Variants in PSMD2 observed in about 807,000 individuals in gnomAD.
PSMD2 encodes the protein 26S proteasome non-ATPase regulatory subunit 2.
A neutral mutation model predicts 101.5 loss-of-function variants in PSMD2; 8 were observed. The observed-to-expected ratio is 0.08, with a 90% CI of 0.05 to 0.14. PSMD2 has a LOEUF of 0.14. Among genes scored for constraint, PSMD2 ranks in the 10% least tolerant of loss-of-function variants. The pLI, the probability that PSMD2 is intolerant of heterozygous loss-of-function variation, is 1.00. For missense variants in PSMD2, 784 were observed against 1,147.4 expected (o/e 0.68, Z 4.58); for synonymous variants, 418 against 433.8 (o/e 0.96, Z 0.45).
chr3:184,303,255 C>A, intron 8 of PSMD2, 65 bp from the exon 9 acceptor site: 1 of 1,572,288 alleles, frequency 6.4e-7, no homozygotes, highest in South Asian at 1.2e-5. Context: ...AGTTGCCATG[C>A]TGTGTTTCTT....
Position 184,299,258 on chromosome 3 carries a change from G to T in PSMD2, c.-9G>T, listed in dbSNP as rs1181846209. 1 of 1,335,290 alleles carries T rather than the reference G, an allele frequency of 7.5e-7. No homozygotes were observed. The highest frequency in any genetic ancestry group is 1.5e-5 in the African/African-American group (1 of 65,316). The allele number at this position is 1,335,290 out of a possible 1,614,324, so 82.7% of individuals were successfully genotyped here. A position where few individuals can be genotyped will look rare whatever the true frequency, so the allele number is the denominator to read the frequency against. Reference sequence around the variant, plus strand: ...GTGCGCGCGCAGCGGGCCGGCAGTGGCGGCGGAGATGGAGGAGGGAGGCCG... The same window carrying T: ...GTGCGCGCGCAGCGGGCCGGCAGTGTCGGCGGAGATGGAGGAGGGAGGCCG... On this transcript the variant is annotated 5_prime_UTR_variant, in exon 1 of 21. Transcript: ENST00000310118.
chr3:184,305,719 A>G, intron 12 of PSMD2, 49 bp from the exon 13 acceptor site: 1 of 1,546,174 alleles, frequency 6.5e-7, no homozygotes, highest in South Asian at 1.2e-5. Context: ...ATCAAGACAT[A>G]AATATTTTAA....
rs901871951 is a variant in PSMD2, at chr3:184,299,838, C to T, written c.136-13C>T. On this transcript the variant is annotated splice_polypyrimidine_tract_variant and intron_variant, in intron 1 of 20. Transcript: ENST00000310118. ...TTCCTTCTCTTCATGAGCTGCTTCT[C>T]CCAACCCTCCAGTCTGAAGAGGATA... The T allele has an allele frequency of 1.1e-5, 18 of 1,611,046 alleles. No homozygotes were observed. The highest frequency in any genetic ancestry group is 9.3e-5 in the African/African-American group (7 of 74,886).
Position 184,301,904 on chromosome 3 carries a change from C to T in PSMD2, c.537C>T (p.Val179=), listed in dbSNP as rs763374762. Residue 179 remains valine, a synonymous_variant, in exon 5 of 21, where the codon GTC becomes GTT. Transcript: ENST00000310118. ...AGGAGCTGGATGACGCAGAGAAGGT[C>T]CAGCGGGAGCCTCTGCTCACTCTGG... is the stretch of plus-strand genomic sequence containing the variant. The part of the protein sequence containing the change: ...EWQELDDAEK[V]QREPLLTLVK... 6 of 1,614,056 alleles carry T rather than the reference C, an allele frequency of 3.7e-6. No homozygotes were observed. The African/African-American group carries it at 6.7e-5, about 18-fold the overall frequency.
intron 15 of PSMD2, 47 bp downstream of exon 15, chr3:184,306,542 A>G (rs1380700328): frequency 1.3e-6 from 2 of 1,595,008 alleles, no homozygotes; most frequent in African/African-American, 1.4e-5. Flanking sequence ...GAGAAGAGAT[A>G]AGCATATAGG....
At position 184,299,971 on chromosome 3, in the gene PSMD2, T is replaced by A. The variant is rs1374791525; in HGVS notation, c.192+64T>A. 4 of 1,472,158 alleles carry A rather than the reference T, an allele frequency of 2.7e-6. No individual in the cohort carries two copies. In the East Asian group the frequency reaches 6.8e-5, roughly 25 times the overall value. 91.2% of individuals were successfully genotyped at this position (1,472,158 alleles called of 1,614,324 possible). On this transcript the variant is annotated intron_variant, in intron 2 of 20. Coordinates refer to ENST00000310118, the MANE Select transcript of PSMD2 (RefSeq NM_002808.5). ...ATCTTTCCCACTTGTTTTATTCTTT[T>A]TTGAGGCAACTGCTATGTACGGTGG...
rs1157413437 is a variant in PSMD2 at position 184,307,937 on chromosome 3, C to T, written c.2346C>T (p.His782=). 2 of 1,614,168 alleles carry T rather than the reference C, an allele frequency of 1.2e-6. No homozygotes were observed. Among genetic ancestry groups the T allele is most frequent in the Non-Finnish European group, 1.7e-6 (2 of 1,180,032 alleles). Residue 782 remains histidine, a synonymous_variant, in exon 19 of 21, where the codon CAC becomes CAT. Transcript: ENST00000310118. ...GCACCCTTACCCTCTGCCCCTACCACAGCGACCGGCAGCTTATGAGCCAGG... is the reference window on the plus strand; with the variant it reads ...GCACCCTTACCCTCTGCCCCTACCATAGCGACCGGCAGCTTATGAGCCAGG... ...GKGTLTLCPY[H]SDRQLMSQVA...
At chr3:184,306,962 TC>T (rs1363211281) in intron 16 of PSMD2, 128 bp downstream of exon 16, 25 of 795,972 alleles carry the variant, frequency 3.1e-5, no homozygotes, top group Non-Finnish European at 4.7e-5. Flanking sequence ...CTTTCTTTTT[TC>T]TTTTCTTTTT....
At chr3:184,303,809 A>C in intron 10 of PSMD2, 60 bp downstream of exon 10, 8 of 1,602,798 alleles carry the variant, frequency 5.0e-6, no homozygotes, top group South Asian at 1.1e-5. Flanking sequence ...AGTGCCTAGC[A>C]GTGCCTCTCT....
Position 184,309,048 on chromosome 3 carries a change from C to G in PSMD2, c.*158C>G, listed in dbSNP as rs2108446221. 1.3e-6 allele frequency: 1 copy of G among 750,436 alleles called. No homozygotes were observed. The highest frequency in any genetic ancestry group is 2.6e-5 in the East Asian group (1 of 38,546). 46.5% of individuals were successfully genotyped at this position (750,436 alleles called of 1,614,324 possible). On this transcript the variant is annotated 3_prime_UTR_variant, in exon 21 of 21. Transcript: ENST00000310118. ...GTTGTTCAATAAAGACTTTTATCCC[C>G]AAGGTCTCTCTGTGTCTGTTTTCTG...
Position 184,304,186 on chromosome 3 carries a change from A to G in PSMD2, c.1451+112A>G. 20 of 1,550,424 alleles carry G rather than the reference A, an allele frequency of 1.3e-5. No homozygotes were observed. Among genetic ancestry groups the G allele is most frequent in the Non-Finnish European group, 1.7e-5 (19 of 1,122,850 alleles). On this transcript the variant is annotated intron_variant, in intron 11 of 20. Coordinates refer to ENST00000310118, the MANE Select transcript of PSMD2 (RefSeq NM_002808.5). The surrounding 1 kb of genome is among the most constrained non-coding windows in gnomAD (Gnocchi z 4.1). ...AGGGCTACCACTGTGCCTATTGGGT[A>G]TCTGGCTCTTGGTGAATGTTTGTTG...
At chr3:184,306,537 G>T in intron 15 of PSMD2, 42 bp downstream of exon 15, 1 of 1,598,978 alleles carries the variant, frequency 6.3e-7, no homozygotes, top group South Asian at 1.1e-5. Context: ...GCTGTGAGAA[G>T]AGATAAGCAT....
chr3:184,303,451 A>G lies in PSMD2; in HGVS notation c.1201A>G (p.Lys401Glu). The stretch of plus-strand genomic sequence containing the variant: ...AGATGATGGCAACAAATGGCTTTAC[A>G]AGAACAAGGACCACGGTATAATTCT... ...LTDDGNKWLY[K>E]NKDHGMLSAA... is the part of the protein sequence containing the mutation. Residue 401 changes from lysine (K) to glutamate (E), a missense_variant, in exon 9 of 21, where the codon AAG (lysine) becomes GAG (glutamate). Lys to Glu is a moderately conservative substitution (Grantham distance 56, BLOSUM62 1). This residue lies in a region of PSMD2 where 37 missense variants were observed against 107.0 expected (regional missense o/e 0.35). Transcript: ENST00000310118. 1 of 1,614,134 alleles carries G rather than the reference A, an allele frequency of 6.2e-7. No individual in the cohort carries two copies. The highest frequency in any genetic ancestry group is 8.5e-7 in the Non-Finnish European group (1 of 1,180,020).
At chr3:184,303,491 T>G in intron 9 of PSMD2, 25 bp downstream of exon 9, 2 of 1,612,066 alleles carry the variant, frequency 1.2e-6, no homozygotes, top group Non-Finnish European at 1.7e-6. Context: ...CTGCTTTGTC[T>G]TTTGTTTTGC....
At chr3:184,299,746 C>T in intron 1 of PSMD2, 105 bp from the exon 2 acceptor site, 1 of 922,438 alleles carries the variant, frequency 1.1e-6, no homozygotes, top group Non-Finnish European at 1.7e-6. Flanking sequence ...GTCCACCTGG[C>T]CCCTCCTAAG....
At chr3:184,306,176 G>T in intron 14 of PSMD2, 21 bp downstream of exon 14, 1 of 1,612,928 alleles carries the variant, frequency 6.2e-7, no homozygotes, top group Non-Finnish European at 8.5e-7. Context: ...TTATGAGTCT[G>T]TCTTGTGCTT....
chr3:184,307,751 C>G, intron 18 of PSMD2, 43 bp downstream of exon 18: 1 of 1,607,064 alleles, frequency 6.2e-7, no homozygotes, highest in Admixed American at 1.7e-5. Context: ...GGGGAAGTAT[C>G]TGTGGTGATG....
At position 184,304,173 on chromosome 3, in the gene PSMD2, G is replaced by A; in HGVS notation, c.1451+99G>A. 1 of 1,558,408 alleles carries A rather than the reference G, an allele frequency of 6.4e-7. No homozygotes were observed. Among genetic ancestry groups the A allele is most frequent in the Non-Finnish European group, 8.8e-7 (1 of 1,130,302 alleles). ...ACCCATATTGCCAAGGGCTACCACTGTGCCTATTGGGTATCTGGCTCTTGG... is the reference window on the plus strand; with the variant it reads ...ACCCATATTGCCAAGGGCTACCACTATGCCTATTGGGTATCTGGCTCTTGG... On this transcript the variant is annotated intron_variant, in intron 11 of 20. Transcript: ENST00000310118. The surrounding 1 kb of genome is among the most constrained non-coding windows in gnomAD (Gnocchi z 4.1).
chr3:184,302,588 GCTGGGA>G (rs1222244019), intron 6 of PSMD2, 60 bp downstream of exon 6: 29 of 1,611,248 alleles, frequency 1.8e-5, no homozygotes, highest in Middle Eastern at 1.6e-4. Context: ...TGCATAAAGA[GCTGGGA>G]CTTGTAGTTT....
Sources: allele counts gnomAD v4.1 joint callset, GRCh38; gene constraint gnomAD v4.1.1; regional missense constraint gnomAD v4.1.1; non-coding constraint Gnocchi (gnomAD v3.1); transcripts MANE v1.5; gene names NCBI Gene and HGNC (gene_info 2026-07-23, HGNC 2026-07-21).